ATAD2B: variants seen among roughly 807,000 people sequenced by gnomAD.
The protein encoded by ATAD2B is ATPase family AAA domain containing 2B.
In ATAD2B, 40 loss-of-function variants were observed where a neutral mutation model predicts 167.6. The observed-to-expected ratio is 0.24, with a 90% CI of 0.19 to 0.31. The LOEUF (loss-of-function observed/expected upper bound fraction) is 0.31. ATAD2B is among the 10% of genes least tolerant of loss of function. The pLI, the probability that ATAD2B is intolerant of heterozygous loss-of-function variation, is 1.00. For missense variants in ATAD2B, 1,242 were observed against 1,757.2 expected, an observed-to-expected ratio of 0.71 and a Z score of 5.24; for synonymous variants, 579 against 596.5, an observed-to-expected ratio of 0.97 and a Z score of 0.43.
chr2:23,877,592 C>T (rs1303990597), intron 7 of ATAD2B, among the ~76,000 whole-genome samples: 2 of 141,220 alleles, frequency 1.4e-5, no homozygotes, highest in African/African-American at 2.6e-5. Context: ...AAGGGCGGGC[C>T]GGGCACTGTG....
the ATAD2B span, among the ~76,000 whole-genome samples, chr2:23,717,747 C>T: frequency 6.6e-6 from 1 of 152,126 alleles, no homozygotes; most frequent in African/African-American, 2.4e-5. Context: ...TGCAGAAAGA[C>T]ATGGCTACAA....
At chr2:23,905,480 C>T (rs974001493) in intron 1 of ATAD2B, among the ~76,000 whole-genome samples, 2 of 152,130 alleles carry the variant, frequency 1.3e-5, no homozygotes, top group African/African-American at 4.8e-5. Context: ...GCCATGATTA[C>T]ACCACTGCAC....
At chr2:23,720,773 C>T in the ATAD2B span, among the ~76,000 whole-genome samples, 1 of 152,142 alleles carries the variant, frequency 6.6e-6, no homozygotes, top group African/African-American at 2.4e-5. Context: ...ATCCCACAGT[C>T]TCCCAGTTTG....
chr2:23,787,892 TC>T (rs931064069), intron 20 of ATAD2B, among the ~76,000 whole-genome samples: 9 of 152,036 alleles, frequency 5.9e-5, no homozygotes, highest in African/African-American at 1.9e-4. Flanking sequence ...CCTTACTATG[TC>T]AAGGAACTGA....
In ATAD2B at chr2:23,869,682, T is replaced by C. The variant is rs762028557; in HGVS notation, c.1057A>G (p.Met353Val). Residue 353 changes from methionine to valine, a missense_variant, in exon 9 of 28, where the codon ATG becomes GTG. By Grantham distance (21) the Met-to-Val change is conservative (BLOSUM62 1). Transcript: ENST00000238789. The part of the protein sequence containing the change: ...ERFERRKSKS[M>V]ARARNRCLPM... ...ACTAACCTATTTCTTGCTCTTGCCA[T>C]GCTCTTTGATTTCCTTCTTTCAAAG... The C allele has an allele frequency of 1.3e-5, 21 of 1,564,766 alleles. No homozygotes were observed. Among genetic ancestry groups the C allele is most frequent in the East Asian group, 4.6e-5 (2 of 43,236 alleles).
In ATAD2B at chr2:23,892,558, G is replaced by C. The variant is rs939769190; in HGVS notation, c.368+3261C>G. Among the ~76,000 whole-genome samples, 3 of 150,190 alleles carry C rather than the reference G, an allele frequency of 2.0e-5. No individual in the cohort carries two copies. The East Asian group carries it at 5.9e-4, about 29-fold the overall frequency. ...ACGATCTCAGCTAACTGCAACCTCTGTCTCCCAGGTTCAAGCAATTCTCGT... is the reference window on the plus strand; with the variant it reads ...ACGATCTCAGCTAACTGCAACCTCTCTCTCCCAGGTTCAAGCAATTCTCGT... On this transcript the variant is annotated intron_variant, in intron 2 of 27. Transcript: ENST00000238789.
intron 1 of ATAD2B, among the ~76,000 whole-genome samples, chr2:23,906,602 G>A (rs968727165): frequency 6.6e-6 from 1 of 152,056 alleles, no homozygotes; most frequent in Admixed American, 6.6e-5. Context: ...ACTGTGGGGT[G>A]TTAAACTCAT....
At chr2:23,810,577 T>G (rs1166517385) in intron 17 of ATAD2B, 75 bp from the exon 18 acceptor site, 1 of 1,245,410 alleles carries the variant, frequency 8.0e-7, no homozygotes, top group Non-Finnish European at 1.1e-6. Flanking sequence ...AGGCAAAATT[T>G]TTACATTAAA....
chr2:23,686,380 C>T, the ATAD2B span, among the ~76,000 whole-genome samples: 5 of 152,212 alleles, frequency 3.3e-5, no homozygotes, highest in East Asian at 1.9e-4. Flanking sequence ...CTGGGTCCTA[C>T]GCCTGACTCC....
chr2:23,904,054 G>A (rs932251999), intron 1 of ATAD2B, among the ~76,000 whole-genome samples: 6 of 152,056 alleles, frequency 3.9e-5, no homozygotes, highest in African/African-American at 9.7e-5. Flanking sequence ...TGGAATTATA[G>A]CCAGAAATCT....
the ATAD2B span, among the ~76,000 whole-genome samples, chr2:23,688,124 A>G: frequency 1.3e-5 from 2 of 152,100 alleles, no homozygotes; most frequent in Non-Finnish European, 2.9e-5. Context: ...CGAGACTCCC[A>G]TGTCTCATCT....
intron 23 of ATAD2B, among the ~76,000 whole-genome samples, chr2:23,765,287 A>T (rs1188109637): frequency 6.6e-6 from 1 of 152,252 alleles, no homozygotes; most frequent in Non-Finnish European, 1.5e-5. Context: ...GAAACACTTT[A>T]TTTCTGTAAT....
At chr2:23,910,759 T>A (rs1049769200) in intron 1 of ATAD2B, among the ~76,000 whole-genome samples, 1 of 151,880 alleles carries the variant, frequency 6.6e-6, no homozygotes, top group Middle Eastern at 3.4e-3. Context: ...TTCCAGCTAC[T>A]TGGGAGGCTG....
chr2:23,719,941 C>T, the ATAD2B span, among the ~76,000 whole-genome samples: 7 of 152,230 alleles, frequency 4.6e-5, no homozygotes, highest in African/African-American at 9.6e-5. Context: ...TCATCCCACA[C>T]GTCCCCTGGG....
chr2:23,817,654 A>G (rs987156726), intron 17 of ATAD2B, among the ~76,000 whole-genome samples: 2 of 152,248 alleles, frequency 1.3e-5, no homozygotes, highest in East Asian at 1.9e-4. Flanking sequence ...AATGCCTGGC[A>G]TAGGGTAAAC....
At chr2:23,753,289 A>G (rs1675570141) in intron 27 of ATAD2B, among the ~76,000 whole-genome samples, 1 of 152,326 alleles carries the variant, frequency 6.6e-6, no homozygotes, top group Admixed American at 6.5e-5. Context: ...TATCCTTTAC[A>G]TATAAATCTT....
the ATAD2B span, among the ~76,000 whole-genome samples, chr2:23,686,547 A>G: frequency 6.6e-6 from 1 of 152,108 alleles, no homozygotes. Flanking sequence ...CCAGGACGGA[A>G]AGGCAAGCAC....
At chr2:23,829,540 C>T (rs748758572) in intron 14 of ATAD2B, among the ~76,000 whole-genome samples, 1 of 152,046 alleles carries the variant, frequency 6.6e-6, no homozygotes, top group Non-Finnish European at 1.5e-5. Context: ...CGTTTATGTC[C>T]AGGAGTTCAA....
chr2:23,724,903 C>T, the ATAD2B span, among the ~76,000 whole-genome samples: 16 of 151,978 alleles, frequency 1.1e-4, no homozygotes, highest in East Asian at 3.9e-4. Flanking sequence ...ATTAGCCAGG[C>T]GTGGTGGCAG....
Sources: allele counts gnomAD v4.1 joint callset (sites outside exome capture counted in the v4.1 genomes callset), GRCh38; gene constraint gnomAD v4.1.1; transcripts MANE v1.5; gene names NCBI Gene and HGNC (gene_info 2026-07-23, HGNC 2026-07-21).